Variants in PHF6 observed in about 807,000 individuals in gnomAD.
PHF6 encodes PHD-like zinc finger protein.
A neutral mutation model predicts 34.0 loss-of-function variants in PHF6; 7 were observed. The ratio of observed to expected loss-of-function variants is 0.21; its 90% confidence interval spans 0.12 to 0.39. The LOEUF (loss-of-function observed/expected upper bound fraction) is 0.39, where lower values mean the gene tolerates loss of function less well. PHF6 is among the 10% of genes least tolerant of loss of function. PHF6 has a pLI of 1.00. For missense variants in PHF6, 128 were observed against 262.8 expected, an observed-to-expected ratio of 0.49 and a Z score of 3.55; for synonymous variants, 89 against 88.4, an observed-to-expected ratio of 1.01 and a Z score of -0.04.
intron 5 of PHF6, among the ~76,000 whole-genome samples, chrX:134,405,940 A>G (rs944242601): frequency 6.4e-5 from 7 of 109,765 alleles, no homozygotes; most frequent in Non-Finnish European, 9.5e-5. Flanking sequence ...GAGTAAATGC[A>G]CATCACATTT....
intron 9 of PHF6, among the ~76,000 whole-genome samples, chrX:134,420,654 A>G (rs961820390): frequency 4.5e-5 from 5 of 110,702 alleles, no homozygotes; most frequent in Non-Finnish European, 9.5e-5. Flanking sequence ...GTGCAGTGGC[A>G]TGATCACGGC....
intron 9 of PHF6, among the ~76,000 whole-genome samples, chrX:134,421,497 A>T (rs931740121): frequency 1.8e-4 from 20 of 112,010 alleles, no homozygotes; most frequent in African/African-American, 5.8e-4. Context: ...TAACAGGCTG[A>T]TTTTAAATAT....
chrX:134,410,621 GTTTAT>G (rs71920546), intron 5 of PHF6, among the ~76,000 whole-genome samples: 24,921 of 97,418 alleles, frequency 0.26, 3,422 homozygotes, highest in African/African-American at 0.41. Context: ...TATTTTTCCA[GTTTAT>G]TTTATTTTAT....
chrX:134,423,758 A>G (rs997365018), intron 9 of PHF6, among the ~76,000 whole-genome samples: 1 of 111,782 alleles, frequency 8.9e-6, no homozygotes, highest in Non-Finnish European at 1.9e-5. Context: ...ATCTATTTGT[A>G]ACATGTGAAT....
intron 3 of PHF6, among the ~76,000 whole-genome samples, chrX:134,381,423 GAA>G (rs1370188919): frequency 9.1e-6 from 1 of 110,282 alleles, no homozygotes; most frequent in Admixed American, 9.7e-5. Context: ...TAGGAGGGGG[GAA>G]AAAGAGTGAA....
chrX:134,381,708 C>G (rs1196123575), intron 3 of PHF6, among the ~76,000 whole-genome samples: 2 of 110,094 alleles, frequency 1.8e-5, no homozygotes, highest in African/African-American at 6.6e-5. Context: ...TTAGGCTGGT[C>G]GCGAACTCCT....
At chrX:134,424,185 G>A (rs977550567) in intron 9 of PHF6, among the ~76,000 whole-genome samples, 13 of 110,055 alleles carry the variant, frequency 1.2e-4, no homozygotes, top group African/African-American at 4.3e-4. Flanking sequence ...CCTATATTAC[G>A]ATTTTTATTT....
At chrX:134,410,039 G>A (rs1032840307) in intron 5 of PHF6, among the ~76,000 whole-genome samples, 2 of 111,845 alleles carry the variant, frequency 1.8e-5, no homozygotes, top group African/African-American at 6.5e-5. Flanking sequence ...CCAGTCCACC[G>A]TTGACGCACA....
chrX:134,393,819 T>C (rs1263091231), intron 4 of PHF6, 90 bp from the exon 5 acceptor site: 4 of 863,842 alleles, frequency 4.6e-6, no homozygotes, highest in Non-Finnish European at 6.8e-6. Flanking sequence ...AGCTAGTGAA[T>C]TGGGTGAAGT....
At chrX:134,420,569 A>T (rs1040074815) in intron 9 of PHF6, among the ~76,000 whole-genome samples, 3 of 105,858 alleles carry the variant, frequency 2.8e-5, no homozygotes, top group Non-Finnish European at 3.9e-5. Context: ...TTTTCCATTT[A>T]AAAAAAAAAC....
At chrX:134,407,748 G>C (rs946763351) in intron 5 of PHF6, among the ~76,000 whole-genome samples, 1 of 111,026 alleles carries the variant, frequency 9.0e-6, no homozygotes, top group African/African-American at 3.3e-5. Flanking sequence ...AAGATACACA[G>C]TATGTGGAAG....
intron 3 of PHF6, among the ~76,000 whole-genome samples, chrX:134,387,180 G>A (rs189280536): frequency 3.6e-5 from 4 of 111,808 alleles, no homozygotes; most frequent in African/African-American, 1.3e-4. Flanking sequence ...AGGTGATAAA[G>A]GAGAATGAAT....
intron 5 of PHF6, among the ~76,000 whole-genome samples, chrX:134,406,624 AC>A (rs2077426292): frequency 9.0e-6 from 1 of 111,389 alleles, no homozygotes; most frequent in African/African-American, 3.3e-5. Context: ...CCAGAGGAGA[AC>A]AGAAGGGTAA....
intron 5 of PHF6, among the ~76,000 whole-genome samples, chrX:134,397,680 A>G (rs955783848): frequency 2.7e-5 from 3 of 111,790 alleles, no homozygotes; most frequent in African/African-American, 9.8e-5. Context: ...TCTGATAAAA[A>G]AAATATCTCC....
At chrX:134,380,657 T>G (rs763568366) in intron 3 of PHF6, among the ~76,000 whole-genome samples, 1 of 111,531 alleles carries the variant, frequency 9.0e-6, no homozygotes, top group Admixed American at 9.5e-5. Flanking sequence ...CTCTGTCATT[T>G]ACTAGCTAGG....
rs1459828426 is a variant in PHF6, at chrX:134,415,255, T to C, written c.834+135T>C. The C allele has an allele frequency of 6.7e-6, 7 of 1,040,187 alleles. No individual in the cohort carries two copies. The Admixed American group carries it at 1.4e-4, about 21-fold the overall frequency. The allele number at this position is 1,040,187 out of a possible 1,213,427, so 85.7% of individuals were successfully genotyped here. Reference sequence around the variant, plus strand: ...GTTAAAGCAAAGTATATATTTGACTTATTTGTAATATAATAAAGGATGCTG... The same window carrying C: ...GTTAAAGCAAAGTATATATTTGACTCATTTGTAATATAATAAAGGATGCTG... On this transcript the variant is annotated intron_variant, in intron 8 of 10. Coordinates refer to ENST00000370803, the MANE Select transcript of PHF6 (RefSeq NM_001015877.2).
At chrX:134,418,891 G>A (rs1361209119) in intron 9 of PHF6, 1 of 106,925 alleles carries the variant, frequency 9.4e-6, no homozygotes, top group African/African-American at 3.4e-5. Context: ...TGTCCAGGCT[G>A]GAGTGCAGTA....
chrX:134,406,416 C>T (rs145827012), intron 5 of PHF6, among the ~76,000 whole-genome samples: 7 of 111,557 alleles, frequency 6.3e-5, no homozygotes, highest in Admixed American at 9.6e-5. Flanking sequence ...GTCCAGATAT[C>T]CTTTCTACTT....
At chrX:134,381,163 G>A (rs1179915942) in intron 3 of PHF6, among the ~76,000 whole-genome samples, 2 of 111,306 alleles carry the variant, frequency 1.8e-5, no homozygotes, top group African/African-American at 3.3e-5. Flanking sequence ...AGTGGCAGAA[G>A]GGAAGAACTT....
Sources: gnomAD v4.1 joint callset for allele counts (sites outside exome capture counted in the v4.1 genomes callset) on GRCh38, gnomAD v4.1.1 for gene constraint, MANE v1.5 for transcripts, NCBI Gene and HGNC (gene_info 2026-07-23, HGNC 2026-07-21) for gene names.